SUSD1: variants seen among roughly 807,000 people sequenced by gnomAD.
SUSD1 encodes the protein sushi domain-containing protein 1.
A neutral mutation model predicts 86.9 loss-of-function variants in SUSD1; 65 were observed. The ratio of observed to expected loss-of-function variants is 0.75; its 90% CI spans 0.61 to 0.92. The LOEUF (loss-of-function observed/expected upper bound fraction) is 0.92, where lower values mean the gene tolerates loss of function less well. SUSD1 is among the 40% of genes least tolerant of loss of function. The probability of loss-of-function intolerance (pLI) is 0.00; values close to 1 mark genes in which losing one functional copy is unlikely to be tolerated. For synonymous variants in SUSD1, 346 were observed against 350.0 expected (o/e 0.99, Z 0.13); for missense variants, 850 against 929.7 (o/e 0.91, Z 1.11).
intron 14 of SUSD1, among the ~76,000 whole-genome samples, chr9:112,053,005 C>T (rs1828287087): frequency 6.6e-6 from 1 of 152,116 alleles, no homozygotes; most frequent in South Asian, 2.1e-4. Flanking sequence ...GAATGAATAT[C>T]TCTTCCCCCC....
At chr9:112,095,780 C>G (rs1830368538) in intron 10 of SUSD1, among the ~76,000 whole-genome samples, 1 of 152,110 alleles carries the variant, frequency 6.6e-6, no homozygotes, top group African/African-American at 2.4e-5. Flanking sequence ...AGGAAGCATG[C>G]AAGATGATGC....
chr9:112,052,170 G>A, intron 15 of SUSD1: 1 of 1,470,284 alleles, frequency 6.8e-7, no homozygotes, highest in African/African-American at 1.4e-5. Context: ...TGAGTCCCCA[G>A]TCCCAGTTCC....
At chr9:112,078,392 G>T (rs1297691701) in intron 12 of SUSD1, 146 bp downstream of exon 12, 2 of 732,772 alleles carry the variant, frequency 2.7e-6, no homozygotes, top group Non-Finnish European at 4.3e-6. Context: ...GCGCCTTAAG[G>T]CACCTCTCCA....
chr9:112,049,074 G>A (rs1484741111), intron 15 of SUSD1, among the ~76,000 whole-genome samples: 1 of 152,178 alleles, frequency 6.6e-6, no homozygotes, highest in Non-Finnish European at 1.5e-5. Context: ...CTGGAATGAC[G>A]AGGGAAATTC....
chr9:112,057,044 T>G (rs968890480), intron 14 of SUSD1, among the ~76,000 whole-genome samples: 2 of 152,032 alleles, frequency 1.3e-5, no homozygotes, highest in African/African-American at 4.8e-5. Context: ...GGGAGAGAAA[T>G]AGATTCAGAA....
intron 1 of SUSD1, among the ~76,000 whole-genome samples, chr9:112,163,051 G>T (rs1833636435): frequency 6.6e-6 from 1 of 152,208 alleles, no homozygotes; most frequent in South Asian, 2.1e-4. Context: ...CATTATTTAA[G>T]GTTGACAAAT....
intron 3 of SUSD1, among the ~76,000 whole-genome samples, chr9:112,148,344 C>A (rs542887406): frequency 6.6e-6 from 1 of 152,112 alleles, no homozygotes; most frequent in Non-Finnish European, 1.5e-5. Flanking sequence ...ACCCTGTATT[C>A]GACCAGCCTA....
At chr9:112,105,206 A>G (rs1260268737) in intron 8 of SUSD1, among the ~76,000 whole-genome samples, 1 of 152,216 alleles carries the variant, frequency 6.6e-6, no homozygotes, top group African/African-American at 2.4e-5. Flanking sequence ...GTGTAAGTGC[A>G]CATAGAGAAC....
At chr9:112,075,607 T>A (rs1308063787) in intron 12 of SUSD1, among the ~76,000 whole-genome samples, 2 of 151,962 alleles carry the variant, frequency 1.3e-5, no homozygotes, top group Non-Finnish European at 2.9e-5. Flanking sequence ...TAGCCAGGCA[T>A]GGTGGTGAGC....
rs1429909502 is a variant in SUSD1 at position 112,058,545 on chromosome 9, A to G, written c.1992T>C (p.Asp664=). 3.1e-6 allele frequency: 5 copies of G among 1,614,202 alleles called. No individual in the cohort carries two copies. Among genetic ancestry groups the G allele is most frequent in the Non-Finnish European group, 4.2e-6 (5 of 1,180,018 alleles). The change falls in exon 14 of 17, where the codon GAT becomes GAC. Residue 664 remains aspartate (D), a synonymous_variant. Coordinates refer to ENST00000374270, the MANE Select transcript of SUSD1 (RefSeq NM_022486.5). ...AAELLAKDVP[D]DAMEIPIGDR... ...CTCCTATAGGTATCTCCATGGCATC[A>G]TCTGGAACATCTTTGGCCAGTAGTT... is the stretch of plus-strand genomic sequence containing the variant.
intron 1 of SUSD1, among the ~76,000 whole-genome samples, chr9:112,165,943 A>AAAG (rs1418857410): frequency 3.6e-4 from 2 of 5,560 alleles, no homozygotes. Flanking sequence ...AGAAAGAAAG[A>AAAG]AGAAAGAAAG....
intron 5 of SUSD1, chr9:112,137,791 T>C (rs1317118363): frequency 6.6e-6 from 1 of 152,128 alleles, no homozygotes; most frequent in Non-Finnish European, 1.5e-5. Context: ...TGTGAAAAAT[T>C]CCATCATGCT....
chr9:112,149,384 T>TG lies in SUSD1; in HGVS notation c.232dup (p.Gln78ProfsTer51), dbSNP rs1210889781. On this transcript the variant is annotated frameshift_variant, in exon 3 of 17. Transcript: ENST00000374270. LOFTEE classifies it high-confidence loss of function. ...CCCACAGACAAGAGTGGCTCCAAACTGGCACTCATTTTTATCTGTTGACAC... is the reference window on the plus strand; with the variant it reads ...CCCACAGACAAGAGTGGCTCCAAACTGGGCACTCATTTTTATCTGTTGACAC... 9 of 1,614,098 alleles carry TG rather than the reference T, an allele frequency of 5.6e-6. No homozygotes were observed. The highest frequency in any genetic ancestry group is 7.6e-6 in the Non-Finnish European group (9 of 1,180,010).
chr9:112,132,783 AT>A (rs1832086501), intron 5 of SUSD1, among the ~76,000 whole-genome samples: 3 of 152,180 alleles, frequency 2.0e-5, no homozygotes, highest in Admixed American at 2.0e-4. Context: ...TTAAACATTA[AT>A]CTTTGTGATG....
chr9:112,138,147 C>T (rs943100505), intron 5 of SUSD1, among the ~76,000 whole-genome samples: 2 of 141,254 alleles, frequency 1.4e-5, no homozygotes, highest in Non-Finnish European at 3.1e-5. Flanking sequence ...ATGGCTTGAA[C>T]CCAGGAGGCA....
rs569950877 is a variant in SUSD1, at chr9:112,170,819, C to A, written c.103+4314G>T. Among the ~76,000 whole-genome samples, 9 of 152,112 alleles carry A rather than the reference C, an allele frequency of 5.9e-5. No individual in the cohort carries two copies. In the South Asian group the frequency reaches 1.9e-3, roughly 32 times the overall value. On this transcript the variant is annotated intron_variant, in intron 1 of 16. Transcript: ENST00000374270. ...CTGCCTCCCAGGTTCAAGCGGCTCT[C>A]CTGCCTCAGCCTCTGGAGTAGCTAG...
intron 12 of SUSD1, among the ~76,000 whole-genome samples, chr9:112,065,135 C>A (rs550133136): frequency 7.0e-4 from 106 of 152,292 alleles, no homozygotes; most frequent in Non-Finnish European, 1.1e-3. Context: ...TGCTTACACA[C>A]CCCTCTCATT....
intron 5 of SUSD1, among the ~76,000 whole-genome samples, chr9:112,138,272 T>TATGTATATACAC (rs1832394314): frequency 7.6e-6 from 1 of 131,726 alleles, no homozygotes; most frequent in Non-Finnish European, 1.6e-5. Context: ...TATACATATA[T>TATGTATATACAC]ATATATATGA....
chr9:112,143,448 C>A, intron 4 of SUSD1, 23 bp downstream of exon 4: 1 of 1,609,050 alleles, frequency 6.2e-7, no homozygotes, highest in Non-Finnish European at 8.5e-7. Context: ...GTTGAGATGC[C>A]GCAATTTTTG....
Sources: gnomAD v4.1 joint callset for allele counts (sites outside exome capture counted in the v4.1 genomes callset) on GRCh38, gnomAD v4.1.1 for gene constraint, MANE v1.5 for transcripts, NCBI Gene and HGNC (gene_info 2026-07-23, HGNC 2026-07-21) for gene names.